Variants in IFT56 observed in about 807,000 individuals in gnomAD.
The protein encoded by IFT56 is intraflagellar transport 56.
chr7:139,178,880 T>C, the IFT56 span, among the ~76,000 whole-genome samples: 3 of 151,576 alleles, frequency 2.0e-5, no homozygotes, highest in African/African-American at 7.3e-5. Context: ...CTGGGCAACA[T>C]AGCAAGACCC....
chr7:139,153,004 C>T, the IFT56 span, among the ~76,000 whole-genome samples: 14 of 152,082 alleles, frequency 9.2e-5, no homozygotes, highest in South Asian at 2.9e-3. Flanking sequence ...AAAAAATTAG[C>T]AGGGCGTGGC....
At chr7:139,151,469 G>A in the IFT56 span, among the ~76,000 whole-genome samples, 2 of 152,314 alleles carry the variant, frequency 1.3e-5, no homozygotes, top group African/African-American at 4.8e-5. Context: ...CTAGGGTAGT[G>A]ATTATGAGTT....
At chr7:139,178,202 C>T in the IFT56 span, 1 of 1,600,774 alleles carries the variant, frequency 6.2e-7, no homozygotes, top group African/African-American at 1.3e-5. Context: ...GTTTTTTTCC[C>T]CTCCGTTTCA....
At chr7:139,179,767 T>A in the IFT56 span, 1 of 743,806 alleles carries the variant, frequency 1.3e-6, no homozygotes, top group Non-Finnish European at 2.2e-6. Flanking sequence ...GTAGAATGAG[T>A]AAACACTGAA....
the IFT56 span, chr7:139,172,489 T>G: frequency 1.2e-5 from 5 of 423,668 alleles, no homozygotes; most frequent in African/African-American, 2.1e-5. Flanking sequence ...ATAGAGGAGT[T>G]GTTCTTACAG....
At chr7:139,147,402 T>C in the IFT56 span, 1 of 875,458 alleles carries the variant, frequency 1.1e-6, no homozygotes, top group East Asian at 2.6e-5. Context: ...TGTTCAAATC[T>C]GTTTAGTTGA....
the IFT56 span, chr7:139,133,977 C>A: frequency 7.8e-7 from 1 of 1,284,140 alleles, no homozygotes; most frequent in Admixed American, 1.7e-5. Flanking sequence ...TAATCCCCAG[C>A]TCTCCCTGTG....
the IFT56 span, among the ~76,000 whole-genome samples, chr7:139,164,860 G>A: frequency 1.3e-5 from 2 of 151,862 alleles, no homozygotes; most frequent in African/African-American, 2.4e-5. Flanking sequence ...TTTTACATAG[G>A]GTTAAAAATA....
chr7:139,148,691 A>G, the IFT56 span, among the ~76,000 whole-genome samples: 66,278 of 151,904 alleles, frequency 0.44, 19,383 homozygotes, highest in African/African-American at 0.81. Context: ...TTGGGAGGCC[A>G]AGGCGGGCAG....
At chr7:139,174,130 C>T in the IFT56 span, 17 of 594,294 alleles carry the variant, frequency 2.9e-5, no homozygotes, top group African/African-American at 2.6e-4. Context: ...CTGTAATCTA[C>T]GATTTTCATC....
chr7:139,161,079 A>G, the IFT56 span: 1 of 1,454,562 alleles, frequency 6.9e-7, no homozygotes, highest in South Asian at 1.2e-5. Flanking sequence ...TTGGTACATC[A>G]CAGCAATTAG....
the IFT56 span, among the ~76,000 whole-genome samples, chr7:139,187,100 CAAA>C: frequency 1.9e-5 from 1 of 51,622 alleles, no homozygotes. Flanking sequence ...GACTCCGTCT[CAAA>C]AAAAAAAAAA....
chr7:139,146,874 A>G, the IFT56 span: 1 of 691,926 alleles, frequency 1.4e-6, no homozygotes, highest in Non-Finnish European at 2.2e-6. Flanking sequence ...AATATAAAGA[A>G]AAAGAAAAGA....
At chr7:139,163,877 C>G in the IFT56 span, among the ~76,000 whole-genome samples, 1 of 152,128 alleles carries the variant, frequency 6.6e-6, no homozygotes. Flanking sequence ...ATTTCGGGGT[C>G]GAGAGAAGAG....
chr7:139,160,357 C>G, the IFT56 span, among the ~76,000 whole-genome samples: 1 of 152,092 alleles, frequency 6.6e-6, no homozygotes, highest in Non-Finnish European at 1.5e-5. Flanking sequence ...AAAGAAAAAA[C>G]TAACTCTAGT....
the IFT56 span, among the ~76,000 whole-genome samples, chr7:139,185,298 C>T: frequency 0.017 from 2,531 of 152,068 alleles, 53 homozygotes; most frequent in South Asian, 0.032. Context: ...TCAACATACA[C>T]GGTACCAGTG....
At chr7:139,168,389 A>G in the IFT56 span, 1 of 1,611,988 alleles carries the variant, frequency 6.2e-7, no homozygotes. Flanking sequence ...TGGCCAGGAA[A>G]TGGGTTCAGT....
chr7:139,181,760 G>T, the IFT56 span, among the ~76,000 whole-genome samples: 2 of 152,160 alleles, frequency 1.3e-5, no homozygotes, highest in African/African-American at 2.4e-5. Context: ...AATACTGTAG[G>T]TAATTATAAC....
At chr7:139,153,309 G>C in the IFT56 span, among the ~76,000 whole-genome samples, 1 of 151,896 alleles carries the variant, frequency 6.6e-6, no homozygotes, top group South Asian at 2.1e-4. Flanking sequence ...AAATTAACCG[G>C]ACGTGATGGC....
Sources: gnomAD v4.1 joint callset for allele counts (sites outside exome capture counted in the v4.1 genomes callset) on GRCh38, gnomAD v4.1.1 for gene constraint, MANE v1.5 for transcripts, NCBI Gene and HGNC (gene_info 2026-07-23, HGNC 2026-07-21) for gene names.